The following PTPRN2 variants were observed in gnomAD, a reference collection of about 807,000 sequenced individuals.
PTPRN2 encodes the protein protein tyrosine phosphatase receptor type N2.
Under a neutral mutation model 118.8 loss-of-function variants are expected in PTPRN2, and 74 were observed. The ratio of observed to expected loss-of-function variants is 0.62; its 90% CI spans 0.52 to 0.76. The LOEUF is 0.76. PTPRN2 is among the 30% of genes least tolerant of loss of function. PTPRN2 has a pLI of 0.00. For missense variants in PTPRN2, 1,481 were observed against 1,394.4 expected, an observed-to-expected ratio of 1.06 and a Z score of -0.99; for synonymous variants, 641 against 608.0, an observed-to-expected ratio of 1.05 and a Z score of -0.80.
chr7:157,623,716 T>C (rs1481231053), intron 14 of PTPRN2, among the ~76,000 whole-genome samples: 1 of 152,194 alleles, frequency 6.6e-6, no homozygotes, highest in Non-Finnish European at 1.5e-5. Context: ...AGGTAGATAC[T>C]GACGCGATGT....
intron 2 of PTPRN2, among the ~76,000 whole-genome samples, chr7:158,422,491 T>A (rs988012511): frequency 6.6e-6 from 1 of 152,062 alleles, no homozygotes; most frequent in Non-Finnish European, 1.5e-5. Context: ...CTTACATGTC[T>A]CAAAGAAAGT....
intron 2 of PTPRN2, among the ~76,000 whole-genome samples, chr7:158,329,933 C>T (rs1344298129): frequency 6.6e-6 from 1 of 152,074 alleles, no homozygotes; most frequent in Admixed American, 6.5e-5. Context: ...TCCTATTCTG[C>T]AACCAACTCA....
chr7:158,545,982 CAAAA>C (rs199662866), intron 1 of PTPRN2, among the ~76,000 whole-genome samples: 6 of 151,280 alleles, frequency 4.0e-5, no homozygotes, highest in African/African-American at 1.5e-4. Flanking sequence ...CTGGGTGTCT[CAAAA>C]AAAAGAAAGA....
chr7:157,548,528 C>T (rs1216254787), intron 22 of PTPRN2, among the ~76,000 whole-genome samples: 1 of 152,222 alleles, frequency 6.6e-6, no homozygotes, highest in Non-Finnish European at 1.5e-5. Flanking sequence ...TTTGGGTGCT[C>T]AAGGATGCTG....
At chr7:158,520,735 T>C (rs1217813769) in intron 1 of PTPRN2, among the ~76,000 whole-genome samples, 1 of 152,138 alleles carries the variant, frequency 6.6e-6, no homozygotes, top group East Asian at 1.9e-4. Context: ...GAAACAAACA[T>C]ACGAAGAACG....
At chr7:158,405,898 C>T (rs544237764) in intron 2 of PTPRN2, among the ~76,000 whole-genome samples, 3 of 146,652 alleles carry the variant, frequency 2.0e-5, no homozygotes, top group African/African-American at 7.7e-5. Flanking sequence ...ACTGAGATCC[C>T]GCAGTGGCTC....
At chr7:158,532,072 A>G (rs948658144) in intron 1 of PTPRN2, among the ~76,000 whole-genome samples, 2 of 152,230 alleles carry the variant, frequency 1.3e-5, no homozygotes, top group African/African-American at 4.8e-5. Context: ...TGAAAACTGA[A>G]TAAACAACAA....
At chr7:157,624,375 C>G (rs934322855) in intron 14 of PTPRN2, among the ~76,000 whole-genome samples, 1 of 151,728 alleles carries the variant, frequency 6.6e-6, no homozygotes, top group African/African-American at 2.4e-5. Flanking sequence ...GAACCGAGAT[C>G]GCATCATTGC....
chr7:158,194,577 A>C (rs1336695432), intron 4 of PTPRN2, among the ~76,000 whole-genome samples: 1 of 152,226 alleles, frequency 6.6e-6, no homozygotes, highest in East Asian at 1.9e-4. Flanking sequence ...CACTGCCAGC[A>C]CAAGACTCAG....
At chr7:157,593,521 G>A (rs1801117708) in intron 17 of PTPRN2, among the ~76,000 whole-genome samples, 1 of 152,234 alleles carries the variant, frequency 6.6e-6, no homozygotes, top group Non-Finnish European at 1.5e-5. Context: ...ATGGGTTGAG[G>A]TGGATGAAAA....
chr7:158,007,692 C>T (rs930404408), intron 11 of PTPRN2, among the ~76,000 whole-genome samples: 2 of 152,038 alleles, frequency 1.3e-5, no homozygotes, highest in African/African-American at 2.4e-5. Context: ...GCTGTGTGCA[C>T]GTGCATGTGT....
chr7:157,956,945 T>A (rs940936029), intron 11 of PTPRN2, among the ~76,000 whole-genome samples: 2 of 152,212 alleles, frequency 1.3e-5, no homozygotes, highest in Non-Finnish European at 2.9e-5. Context: ...CTCATGCCAC[T>A]ATGAAAACCT....
intron 3 of PTPRN2, among the ~76,000 whole-genome samples, chr7:158,309,955 G>T (rs145278472): frequency 2.6e-5 from 4 of 152,132 alleles, no homozygotes; most frequent in African/African-American, 9.7e-5. Context: ...ATCCCAGAGC[G>T]CTCCCTTGCC....
At chr7:158,448,225 C>T (rs947077613) in intron 2 of PTPRN2, among the ~76,000 whole-genome samples, 1 of 152,202 alleles carries the variant, frequency 6.6e-6, no homozygotes, top group Non-Finnish European at 1.5e-5. Context: ...GAGAATCATC[C>T]TTAGAACACA....
At position 158,368,409 on chromosome 7, in the gene PTPRN2, C is replaced by A. The variant is rs1809692678; in HGVS notation, c.164-51477G>T. On this transcript the variant is annotated intron_variant, in intron 2 of 22. Coordinates refer to ENST00000389418, the MANE Select transcript of PTPRN2 (RefSeq NM_002847.5). Reference sequence around the variant, plus strand: ...TTCTTGAAAAAGAAAAAATGGTATTCCTACCAGCATCACTGGCTGGGCTAG... The same window carrying A: ...TTCTTGAAAAAGAAAAAATGGTATTACTACCAGCATCACTGGCTGGGCTAG... Among the ~76,000 whole-genome samples the A allele has an allele frequency of 2.0e-5, 3 of 152,206 alleles. No homozygotes were observed. In the South Asian group the frequency reaches 6.2e-4, roughly 31 times the overall value.
intron 12 of PTPRN2, among the ~76,000 whole-genome samples, chr7:157,832,350 A>C (rs1319683222): frequency 1.3e-5 from 2 of 152,224 alleles, no homozygotes; most frequent in African/African-American, 4.8e-5. Context: ...GACAGGCGGC[A>C]CTAATCCATG....
intron 2 of PTPRN2, among the ~76,000 whole-genome samples, chr7:158,412,208 C>T (rs1313507574): frequency 2.5e-5 from 3 of 122,440 alleles, no homozygotes; most frequent in Admixed American, 2.3e-4. Flanking sequence ...TCCTCAGCAC[C>T]AGGGCCCATC....
At chr7:158,149,601 G>C (rs929403022) in intron 6 of PTPRN2, among the ~76,000 whole-genome samples, 2 of 152,082 alleles carry the variant, frequency 1.3e-5, no homozygotes, top group Non-Finnish European at 2.9e-5. Flanking sequence ...TCAGGAGTTC[G>C]AGACCAGCCT....
At chr7:157,745,452 T>TCAGGTTGGGGGAGAGGACAGGCTGC (rs1458433105) in intron 12 of PTPRN2, among the ~76,000 whole-genome samples, 1 of 151,158 alleles carries the variant, frequency 6.6e-6, no homozygotes, top group Admixed American at 6.6e-5. Flanking sequence ...GGACAGGCTG[T>TCAGGTTGGGGGAGAGGACAGGCTGC]GGGAGGCAGG....
Sources: allele counts gnomAD v4.1 joint callset (sites outside exome capture counted in the v4.1 genomes callset), GRCh38; gene constraint gnomAD v4.1.1; transcripts MANE v1.5; gene names NCBI Gene and HGNC (gene_info 2026-07-23, HGNC 2026-07-21).